ADCY10: variants seen among roughly 807,000 people sequenced by gnomAD.
ADCY10 encodes adenylate cyclase type 10.
Under a neutral mutation model 183.3 loss-of-function variants are expected in ADCY10, and 156 were observed. That is an observed-to-expected ratio of 0.85 (90% CI 0.75 to 0.97). The LOEUF is 0.97. ADCY10 is among the 50% of genes least tolerant of loss of function. The pLI, the probability that ADCY10 is intolerant of heterozygous loss-of-function variation, is 0.00. For synonymous variants in ADCY10, 645 were observed against 670.0 expected (o/e 0.96, Z 0.58); for missense variants, 1,745 against 1,934.3 (o/e 0.90, Z 1.84).
Position 167,846,195 on chromosome 1 carries a change from T to G in ADCY10, c.2506A>C (p.Ile836Leu). Residue 836 changes from isoleucine to leucine, a missense_variant, in exon 20 of 33, where the codon ATT (isoleucine) becomes CTT (leucine). Ile to Leu is a conservative substitution (Grantham distance 5). Coordinates refer to ENST00000367851, the MANE Select transcript of ADCY10 (RefSeq NM_018417.6). Reference sequence around the variant, plus strand: ...AACTCAGTGGTGAAGGTCAGGCCAATGATGGCAGCACATCTCACCAGCATT... The same window carrying G: ...AACTCAGTGGTGAAGGTCAGGCCAAGGATGGCAGCACATCTCACCAGCATT... ...HQMLVRCAAI[I>L]GLTFTTELLF... The G allele has an allele frequency of 6.2e-7, 1 of 1,614,214 alleles. No individual in the cohort carries two copies. Among genetic ancestry groups the G allele is most frequent in the Non-Finnish European group, 8.5e-7 (1 of 1,180,040 alleles).
At chr1:167,824,906 T>C (rs761701550) in intron 26 of ADCY10, 51 bp from the exon 27 acceptor site, 1 of 1,507,228 alleles carries the variant, frequency 6.6e-7, no homozygotes, top group Non-Finnish European at 9.2e-7. Flanking sequence ...AGCAGAAAGC[T>C]CAGGAACATC....
rs74391290 is a variant in ADCY10, at chr1:167,861,827, T to G, written c.1617-764A>C. 3.1e-3 allele frequency among the ~76,000 whole-genome samples: 465 copies of G among 152,238 alleles called. 3 individuals are homozygous for G. Among genetic ancestry groups the G allele is most frequent in the African/African-American group, 0.011 (451 of 41,536 alleles). ...AGGGGAGAGACCTGTTGGGAAGTGA[T>G]TGGATCATGAGGGCGGTTCCCCCCA... On this transcript the variant is annotated intron_variant, in intron 14 of 32. Transcript: ENST00000367851.
At chr1:167,833,797 G>T (rs1052464916) in intron 24 of ADCY10, among the ~76,000 whole-genome samples, 173 bp downstream of exon 24, 4 of 151,882 alleles carry the variant, frequency 2.6e-5, no homozygotes, top group African/African-American at 9.7e-5. Context: ...AGATCTTGCT[G>T]GTAAGCCATG....
chr1:167,912,361 T>G (rs144968108), intron 1 of ADCY10, among the ~76,000 whole-genome samples: 34 of 152,320 alleles, frequency 2.2e-4, no homozygotes, highest in African/African-American at 8.2e-4. Flanking sequence ...ACATGGCGAT[T>G]CCGGAGGCCT....
intron 21 of ADCY10, among the ~76,000 whole-genome samples, chr1:167,837,857 C>T (rs895807825): frequency 1.3e-5 from 2 of 152,150 alleles, no homozygotes; most frequent in Non-Finnish European, 2.9e-5. Flanking sequence ...TGAAATACCC[C>T]AAAAGGTTAA....
chr1:167,834,691 C>A (rs1222376404), intron 23 of ADCY10: 1 of 162,004 alleles, frequency 6.2e-6, no homozygotes, highest in South Asian at 1.7e-4. Flanking sequence ...CAGTCTCATG[C>A]ATCCTGTTGG....
intron 16 of ADCY10, among the ~76,000 whole-genome samples, chr1:167,858,143 A>G (rs1187081621): frequency 6.6e-6 from 1 of 152,172 alleles, no homozygotes; most frequent in African/African-American, 2.4e-5. Flanking sequence ...TTTATTATGT[A>G]CAATTATGAG....
intron 1 of ADCY10, among the ~76,000 whole-genome samples, chr1:167,905,899 T>C (rs1229253455): frequency 3.9e-5 from 6 of 152,224 alleles, no homozygotes; most frequent in Non-Finnish European, 8.8e-5. Context: ...TAAATGCTCA[T>C]GCCTAAATGT....
In ADCY10 at chr1:167,824,481, G is replaced by A. The variant is rs570838010; in HGVS notation, c.4047C>T (p.Asn1349=). 6.0e-5 allele frequency: 97 copies of A among 1,613,918 alleles called. 1 individual carries two copies. In the South Asian group the frequency reaches 7.1e-4, roughly 12 times the overall value. The change falls in exon 28 of 33, where the codon AAC becomes AAT. Residue 1349 remains asparagine, a synonymous_variant. Coordinates refer to ENST00000367851, the MANE Select transcript of ADCY10 (RefSeq NM_018417.6). ...AAATGCTTTAAGATAAATACCTGCT[G>A]TTCAGAAGGAGACATCTGCTAAGTC... The part of the protein sequence containing the change: ...LCRLSRCLLL[N]SRYPQLIQVL...
Position 167,899,563 on chromosome 1 carries a change from T to C in ADCY10, c.502A>G (p.Ile168Val). 1.2e-6 allele frequency: 2 copies of C among 1,614,216 alleles called. No individual in the cohort carries two copies. The highest frequency in any genetic ancestry group is 1.7e-6 in the Non-Finnish European group (2 of 1,180,050). The change falls in exon 6 of 33, where the codon ATT becomes GTT. Residue 168 changes from isoleucine to valine, a missense_variant. By Grantham distance (29) the Ile-to-Val change is conservative (BLOSUM62 3). Coordinates refer to ENST00000367851, the MANE Select transcript of ADCY10 (RefSeq NM_018417.6). ...GDETHSHFLV[I>V]GQAVDDVRLA... ...CGCACATCGTCCACTGCCTGACCAATCACCAGAAAGTGGCTGTGTGTTTCA... is the reference window on the plus strand; with the variant it reads ...CGCACATCGTCCACTGCCTGACCAACCACCAGAAAGTGGCTGTGTGTTTCA...
chr1:167,818,010 G>C, intron 31 of ADCY10, 62 bp downstream of exon 31: 2 of 1,477,044 alleles, frequency 1.4e-6, no homozygotes, highest in Non-Finnish European at 1.9e-6. Context: ...AATTAGCACA[G>C]GAAGTAGACA....
chr1:167,848,530 C>T, intron 18 of ADCY10, 41 bp from the exon 19 acceptor site: 1 of 1,611,064 alleles, frequency 6.2e-7, no homozygotes. Context: ...AGTCATTATC[C>T]TGTCTTATAA....
At position 167,845,749 on chromosome 1, in the gene ADCY10, A is replaced by T; in HGVS notation, c.2821T>A (p.Trp941Arg). Residue 941 changes from tryptophan to arginine, a missense_variant, in exon 21 of 33, where the codon TGG becomes AGG. Physicochemically the swap from Trp to Arg is moderately radical, Grantham distance 101. Coordinates refer to ENST00000367851, the MANE Select transcript of ADCY10 (RefSeq NM_018417.6). ...PMMQKTAYEL[W>R]LKDQRKAMHL... ...ATGGCTTTTCTCTGGTCCTTGAGCCACAGCTCGTAGGCTGTTTTCTGCATC... is the reference window on the plus strand; with the variant it reads ...ATGGCTTTTCTCTGGTCCTTGAGCCTCAGCTCGTAGGCTGTTTTCTGCATC... 2 of 1,614,240 alleles carry T rather than the reference A, an allele frequency of 1.2e-6. No homozygotes were observed. The highest frequency in any genetic ancestry group is 2.2e-5 in the South Asian group (2 of 91,086).
chr1:167,856,248 G>A lies in ADCY10; in HGVS notation c.2088C>T (p.Val696=), dbSNP rs753722989. The A allele has an allele frequency of 5.0e-6, 8 of 1,613,722 alleles. No homozygotes were observed. Among genetic ancestry groups the A allele is most frequent in the South Asian group, 3.3e-5 (3 of 91,064 alleles). The change falls in exon 17 of 33, where the codon GTC becomes GTT. Residue 696 remains valine (V), a synonymous_variant. Transcript: ENST00000367851. ...VIKNRNTTYI[V]IGAVQPNDIS... is the part of the protein sequence containing the mutation. The stretch of plus-strand genomic sequence containing the variant: ...TGTCGTTAGGCTGTACTGCACCAAT[G>A]ACAATGTAGGTGGTGTTCCTGTTCT...
chr1:167,837,645 G>C (rs1279247173), intron 21 of ADCY10, among the ~76,000 whole-genome samples: 3 of 152,180 alleles, frequency 2.0e-5, no homozygotes, highest in African/African-American at 4.8e-5. Context: ...CTTGCTAACT[G>C]CATGCAAAGC....
At chr1:167,895,507 T>G (rs545550848) in intron 7 of ADCY10, among the ~76,000 whole-genome samples, 53 of 152,348 alleles carry the variant, frequency 3.5e-4, no homozygotes, top group Non-Finnish European at 7.1e-4. Context: ...ATGTTTCTGA[T>G]GTTTCTCACT....
At chr1:167,905,297 T>G (rs1339648928) in intron 1 of ADCY10, 99 bp from the exon 2 acceptor site, 2 of 928,362 alleles carry the variant, frequency 2.2e-6, no homozygotes, top group South Asian at 2.9e-5. Context: ...GCGGCCTGCT[T>G]ATAGTGGTGA....
At chr1:167,890,679 G>A (rs1378570588) in intron 8 of ADCY10, among the ~76,000 whole-genome samples, 1 of 152,222 alleles carries the variant, frequency 6.6e-6, no homozygotes, top group African/African-American at 2.4e-5. Context: ...CAGGTCCACA[G>A]ATGCCATCTG....
intron 30 of ADCY10, chr1:167,819,992 A>G (rs1433566038): frequency 5.9e-6 from 9 of 1,522,832 alleles, no homozygotes; most frequent in Admixed American, 1.7e-5. Context: ...AACAAAGTGG[A>G]TGACTCTCCT....
Sources: gnomAD v4.1 joint callset for allele counts (sites outside exome capture counted in the v4.1 genomes callset) on GRCh38, gnomAD v4.1.1 for gene constraint, MANE v1.5 for transcripts, NCBI Gene and HGNC (gene_info 2026-07-23, HGNC 2026-07-21) for gene names.